Variants in GRK5 observed in about 807,000 individuals in gnomAD.
GRK5 encodes g protein-coupled receptor kinase GRK5.
GRK5 carries 40 observed loss-of-function variants against 78.4 expected under a neutral mutation model. That is an observed-to-expected ratio of 0.51 (90% confidence interval 0.40 to 0.66). The LOEUF (loss-of-function observed/expected upper bound fraction) is 0.66, where lower values mean the gene tolerates loss of function less well. Ranked by LOEUF, GRK5 falls within the 30% of genes least tolerant of loss-of-function variation. The probability of loss-of-function intolerance (pLI) is 0.00; values close to 1 mark genes in which losing one functional copy is unlikely to be tolerated. For missense variants in GRK5, 598 were observed against 759.9 expected (o/e 0.79, Z 2.50); for synonymous variants, 289 against 296.8 (o/e 0.97, Z 0.27).
chr10:119,275,353 C>A (rs1460514716), intron 1 of GRK5, among the ~76,000 whole-genome samples: 1 of 152,116 alleles, frequency 6.6e-6, no homozygotes, highest in African/African-American at 2.4e-5. Flanking sequence ...GGCTCTTTGA[C>A]CTCGGTCAGG....
chr10:119,243,905 C>A (rs1849065209), intron 1 of GRK5, among the ~76,000 whole-genome samples: 1 of 152,188 alleles, frequency 6.6e-6, no homozygotes, highest in Non-Finnish European at 1.5e-5. Context: ...TAGTTGTTTT[C>A]AATGACAAAA....
At chr10:119,293,448 G>T (rs1209252172) in intron 1 of GRK5, among the ~76,000 whole-genome samples, 1 of 152,214 alleles carries the variant, frequency 6.6e-6, no homozygotes, top group Admixed American at 6.5e-5. Context: ...CAGAGATGGG[G>T]TATACAGCAA....
intron 1 of GRK5, among the ~76,000 whole-genome samples, chr10:119,240,279 C>A (rs1410497692): frequency 7.1e-6 from 1 of 141,726 alleles, no homozygotes; most frequent in African/African-American, 2.7e-5. Flanking sequence ...CCGCTCACTG[C>A]AAGCTCTTTC....
In GRK5 at chr10:119,430,067, C is replaced by T. The variant is rs912975035; in HGVS notation, c.534-308C>T. Among the ~76,000 whole-genome samples the T allele has an allele frequency of 6.6e-6, 1 of 152,176 alleles. No homozygotes were observed. Among genetic ancestry groups the T allele is most frequent in the Non-Finnish European group, 1.5e-5 (1 of 68,040 alleles). ...ATGATTTGCAGAGAGAGGAGAACCA[C>T]ATGGAGAGTGTGGTCAAGCACCTCT... On this transcript the variant is annotated intron_variant, in intron 6 of 15. Transcript: ENST00000392870. The surrounding 1 kb of genome is among the most constrained non-coding windows in gnomAD (Gnocchi z 4.5).
At chr10:119,231,906 T>C (rs1337358604) in intron 1 of GRK5, among the ~76,000 whole-genome samples, 1 of 152,146 alleles carries the variant, frequency 6.6e-6, no homozygotes, top group Non-Finnish European at 1.5e-5. Flanking sequence ...ACAGCCACGA[T>C]GGAGAACAGT....
chr10:119,259,757 T>C (rs1849342770), intron 1 of GRK5, among the ~76,000 whole-genome samples: 1 of 152,228 alleles, frequency 6.6e-6, no homozygotes, highest in Non-Finnish European at 1.5e-5. Flanking sequence ...TGGCTTGTGC[T>C]ACCAAGGAAC....
chr10:119,355,646 G>A (rs1470469257), intron 2 of GRK5, among the ~76,000 whole-genome samples: 4 of 152,286 alleles, frequency 2.6e-5, no homozygotes, highest in Non-Finnish European at 4.4e-5. Context: ...CAAGTGTGGT[G>A]GCATGCACCT....
At chr10:119,391,803 G>T (rs1851892678) in intron 3 of GRK5, among the ~76,000 whole-genome samples, 1 of 152,184 alleles carries the variant, frequency 6.6e-6, no homozygotes, top group Non-Finnish European at 1.5e-5. Context: ...TGCATGGTGA[G>T]CATTGTGCTG....
intron 2 of GRK5, among the ~76,000 whole-genome samples, chr10:119,332,690 G>A (rs1018919781): frequency 6.6e-6 from 1 of 152,082 alleles, no homozygotes; most frequent in African/African-American, 2.4e-5. Context: ...ATGTGAGCTG[G>A]CCCTCACCTT....
chr10:119,220,754 GA>G (rs1268341458), intron 1 of GRK5, among the ~76,000 whole-genome samples: 1 of 151,728 alleles, frequency 6.6e-6, no homozygotes, highest in East Asian at 1.9e-4. Context: ...AGAATCGCTT[GA>G]ACCCGGGAGG....
intron 1 of GRK5, among the ~76,000 whole-genome samples, chr10:119,292,849 G>GTT (rs10712644): frequency 6.7e-6 from 1 of 149,116 alleles, no homozygotes. Context: ...TACAGATACA[G>GTT]TTTTTTTTTT....
Position 119,423,171 on chromosome 10 carries a change from T to C in GRK5, c.345T>C (p.Pro115=), listed in dbSNP as rs747335506. ...IMTKYLTPKS[P]VFIAQVGQDL... ...CCTTCCCTTCCTTCTTCCAGTCCCC[T>C]GTTTTCATAGCCCAAGTTGGCCAAG... is the stretch of plus-strand genomic sequence containing the variant. The change falls in exon 5 of 16, where the codon CCT becomes CCC. Residue 115 remains proline, a synonymous_variant. Coordinates refer to ENST00000392870, the MANE Select transcript of GRK5 (RefSeq NM_005308.3). 1.1e-5 allele frequency: 17 copies of C among 1,611,262 alleles called. No homozygotes were observed. Among genetic ancestry groups the C allele is most frequent in the African/African-American group, 4.0e-5 (3 of 74,872 alleles).
chr10:119,375,612 G>A (rs887122062), intron 2 of GRK5, among the ~76,000 whole-genome samples: 2 of 152,180 alleles, frequency 1.3e-5, no homozygotes, highest in Non-Finnish European at 2.9e-5. Context: ...CTAAGGACAA[G>A]GACTAAGCAA....
chr10:119,272,857 A>G (rs1007532460), intron 1 of GRK5, among the ~76,000 whole-genome samples: 1 of 152,112 alleles, frequency 6.6e-6, no homozygotes, highest in African/African-American at 2.4e-5. Flanking sequence ...TCTCGCATTG[A>G]TAGACCTGGA....
Position 119,378,762 on chromosome 10 carries a change from A to G in GRK5, c.149-2053A>G, listed in dbSNP as rs1189288041. The stretch of plus-strand genomic sequence containing the variant: ...TCCCCAAGAACCCTGCTGGCATCCC[A>G]GGGAACAGACAGTGTCTTTCCTGGA... On this transcript the variant is annotated intron_variant, in intron 2 of 15. Transcript: ENST00000392870. The surrounding 1 kb of genome is among the most constrained non-coding windows in gnomAD (Gnocchi z 4.5). 6.6e-6 allele frequency among the ~76,000 whole-genome samples: 1 copy of G among 152,260 alleles called. No individual in the cohort carries two copies. Among genetic ancestry groups the G allele is most frequent in the Non-Finnish European group, 1.5e-5 (1 of 68,044 alleles).
intron 1 of GRK5, among the ~76,000 whole-genome samples, chr10:119,222,607 C>T (rs906784083): frequency 6.6e-6 from 1 of 152,146 alleles, no homozygotes; most frequent in Non-Finnish European, 1.5e-5. Flanking sequence ...CCTCCTCCTG[C>T]TCTGCCTCCC....
intron 3 of GRK5, among the ~76,000 whole-genome samples, chr10:119,383,007 C>T (rs1225331217): frequency 9.2e-5 from 14 of 152,212 alleles, no homozygotes; most frequent in African/African-American, 2.9e-4. Context: ...CTGCAAGCTC[C>T]GCCTCCCAGG....
At chr10:119,250,801 AAT>A (rs1447843331) in intron 1 of GRK5, among the ~76,000 whole-genome samples, 5 of 152,320 alleles carry the variant, frequency 3.3e-5, no homozygotes, top group Admixed American at 3.3e-4. Flanking sequence ...GAGGATGTGT[AAT>A]AGAGTATGTT....
chr10:119,322,754 C>T (rs960822654), intron 1 of GRK5, among the ~76,000 whole-genome samples: 1 of 152,132 alleles, frequency 6.6e-6, no homozygotes, highest in Non-Finnish European at 1.5e-5. Flanking sequence ...CATCAGTTCC[C>T]CCAAAACTTA....
Sources: allele counts gnomAD v4.1 joint callset (sites outside exome capture counted in the v4.1 genomes callset), GRCh38; gene constraint gnomAD v4.1.1; non-coding constraint Gnocchi (gnomAD v3.1); transcripts MANE v1.5; gene names NCBI Gene and HGNC (gene_info 2026-07-23, HGNC 2026-07-21).